The following FAM13A variants were observed in gnomAD, a reference collection of about 807,000 sequenced individuals.
The protein encoded by FAM13A is protein FAM13A.
FAM13A carries 76 observed loss-of-function variants against 129.6 expected under a neutral mutation model. The observed-to-expected ratio is 0.59, with a 90% CI of 0.49 to 0.71. The LOEUF (loss-of-function observed/expected upper bound fraction) is 0.71, where lower values mean the gene tolerates loss of function less well. Ranked by LOEUF, FAM13A falls within the 30% of genes least tolerant of loss-of-function variation. The probability of loss-of-function intolerance (pLI) is 0.00; values close to 1 mark genes in which losing one functional copy is unlikely to be tolerated. For synonymous variants in FAM13A, 443 were observed against 449.9 expected, an observed-to-expected ratio of 0.98 and a Z score of 0.20; for missense variants, 1,108 against 1,249.3, an observed-to-expected ratio of 0.89 and a Z score of 1.70.
intron 8 of FAM13A, among the ~76,000 whole-genome samples, chr4:88,799,313 T>C (rs1358931181): frequency 2.0e-5 from 3 of 152,192 alleles, no homozygotes; most frequent in Non-Finnish European, 4.4e-5. Context: ...AACTAAAGGA[T>C]GGCTATTATT....
intron 5 of FAM13A, among the ~76,000 whole-genome samples, chr4:88,911,645 A>G (rs1195127607): frequency 6.6e-6 from 1 of 152,040 alleles, no homozygotes; most frequent in Non-Finnish European, 1.5e-5. Flanking sequence ...TCAAAGAGCA[A>G]TTCCCTCCAT....
chr4:88,933,281 T>C (rs1753334433), intron 5 of FAM13A, among the ~76,000 whole-genome samples: 1 of 152,190 alleles, frequency 6.6e-6, no homozygotes, highest in Admixed American at 6.6e-5. Flanking sequence ...GAGGTTTGCA[T>C]GAACCCTATT....
rs1258446675 is a variant in FAM13A, at chr4:88,731,335, C to G, written c.2937G>C (p.Gln979His). ...LRDFEDNFFR[Q>H]NGRNVQKEDR... ...GGGAAGACAGGCACTACCTTCCATTCTGTCTGAAAAAGTTGTCTTCAAAAT... is the reference window on the plus strand; with the variant it reads ...GGGAAGACAGGCACTACCTTCCATTGTGTCTGAAAAAGTTGTCTTCAAAAT... Residue 979 changes from glutamine (Q) to histidine (H), a missense_variant, in exon 23 of 24, where the codon CAG becomes CAC. This residue lies in a region of FAM13A where 529 missense variants were observed against 621.2 expected (regional missense o/e 0.85). Transcript: ENST00000264344. 3 of 1,599,650 alleles carry G rather than the reference C, an allele frequency of 1.9e-6. No individual in the cohort carries two copies. Among genetic ancestry groups the G allele is most frequent in the Admixed American group, 3.3e-5 (2 of 59,968 alleles).
At chr4:88,830,438 A>C (rs899616435) in intron 7 of FAM13A, among the ~76,000 whole-genome samples, 1 of 152,214 alleles carries the variant, frequency 6.6e-6, no homozygotes, top group Admixed American at 6.5e-5. Flanking sequence ...CTTGAGTAAC[A>C]GTGAAATAAA....
chr4:89,055,805 A>G (rs1772140832), intron 1 of FAM13A, among the ~76,000 whole-genome samples: 1 of 152,202 alleles, frequency 6.6e-6, no homozygotes, highest in Non-Finnish European at 1.5e-5. Flanking sequence ...AGGAAGACAG[A>G]GTGACATACA....
intron 6 of FAM13A, among the ~76,000 whole-genome samples, chr4:88,861,224 T>C (rs1381184751): frequency 6.6e-6 from 1 of 151,616 alleles, no homozygotes; most frequent in African/African-American, 2.4e-5. Context: ...CTACTAAAAA[T>C]ACAAAAATTA....
At chr4:88,880,666 T>C (rs1743368224) in intron 6 of FAM13A, among the ~76,000 whole-genome samples, 1 of 151,832 alleles carries the variant, frequency 6.6e-6, no homozygotes, top group South Asian at 2.1e-4. Context: ...GTGCAAACCA[T>C]GAAAGCCCTG....
intron 14 of FAM13A, among the ~76,000 whole-genome samples, chr4:88,755,208 C>A (rs545469075): frequency 1.6e-3 from 251 of 152,162 alleles, no homozygotes; most frequent in Non-Finnish European, 3.1e-3. Flanking sequence ...TCAGAGCCAC[C>A]CATGGCCATT....
intron 5 of FAM13A, among the ~76,000 whole-genome samples, chr4:88,918,905 T>A (rs1750550931): frequency 6.6e-6 from 1 of 152,196 alleles, no homozygotes; most frequent in East Asian, 1.9e-4. Context: ...CCAAATTATT[T>A]TCATCCTCCT....
At chr4:89,052,403 C>A (rs1771723555) in intron 1 of FAM13A, among the ~76,000 whole-genome samples, 1 of 150,716 alleles carries the variant, frequency 6.6e-6, no homozygotes, top group Non-Finnish European at 1.5e-5. Flanking sequence ...TGGTGTGCTG[C>A]ACCCATTAAC....
intron 23 of FAM13A, 168 bp from the exon 24 acceptor site, chr4:88,728,827 T>A: frequency 1.5e-6 from 1 of 658,914 alleles, no homozygotes. Context: ...TTTAGACAAG[T>A]AATGAAAATG....
At chr4:88,964,658 C>T (rs1759107718) in intron 4 of FAM13A, among the ~76,000 whole-genome samples, 4 of 142,096 alleles carry the variant, frequency 2.8e-5, no homozygotes, top group Non-Finnish European at 4.6e-5. Flanking sequence ...TTTGGAGTCT[C>T]ACTCTGTCAC....
chr4:88,996,019 T>C (rs1346560619), intron 3 of FAM13A, among the ~76,000 whole-genome samples: 1 of 152,140 alleles, frequency 6.6e-6, no homozygotes, highest in African/African-American at 2.4e-5. Context: ...ACCATGACAT[T>C]TGAGCAGAGC....
intron 4 of FAM13A, among the ~76,000 whole-genome samples, chr4:88,956,036 T>C (rs1757711290): frequency 6.6e-6 from 1 of 152,208 alleles, no homozygotes; most frequent in South Asian, 2.1e-4. Context: ...TTAAGGTTAA[T>C]TTATTATGGG....
chr4:88,915,646 G>T (rs939323210), intron 5 of FAM13A, among the ~76,000 whole-genome samples: 1 of 152,082 alleles, frequency 6.6e-6, no homozygotes, highest in Non-Finnish European at 1.5e-5. Context: ...TGCAGCAGGG[G>T]TGGTCAAATT....
intron 8 of FAM13A, among the ~76,000 whole-genome samples, chr4:88,792,203 G>C (rs1725326214): frequency 6.6e-6 from 1 of 151,780 alleles, no homozygotes; most frequent in Non-Finnish European, 1.5e-5. Flanking sequence ...CTATGAAGAG[G>C]TACTACTCTT....
At chr4:88,873,361 T>C (rs566912809) in intron 6 of FAM13A, among the ~76,000 whole-genome samples, 1 of 152,218 alleles carries the variant, frequency 6.6e-6, no homozygotes, top group Non-Finnish European at 1.5e-5. Flanking sequence ...AGCTGGTTTT[T>C]TGAAAGGATC....
intron 6 of FAM13A, among the ~76,000 whole-genome samples, chr4:88,854,345 G>A (rs1174265371): frequency 1.3e-5 from 2 of 152,076 alleles, no homozygotes; most frequent in Admixed American, 6.6e-5. Flanking sequence ...TCCAAATCGC[G>A]CCAACAGCCT....
At chr4:89,018,904 T>C (rs1304169129) in intron 3 of FAM13A, among the ~76,000 whole-genome samples, 4 of 152,186 alleles carry the variant, frequency 2.6e-5, no homozygotes, top group Admixed American at 2.6e-4. Context: ...ATTTCAAGAA[T>C]GTGGCAAAGA....
Sources: gnomAD v4.1 joint callset for allele counts (sites outside exome capture counted in the v4.1 genomes callset) on GRCh38, gnomAD v4.1.1 for gene constraint, gnomAD v4.1.1 regional missense constraint, MANE v1.5 for transcripts, NCBI Gene and HGNC (gene_info 2026-07-23, HGNC 2026-07-21) for gene names.